The following CHRDL1 variants were observed in gnomAD, a reference collection of about 807,000 sequenced individuals.
CHRDL1 encodes the protein chordin like 1, also known as chordin-like protein 1.
CHRDL1 carries 19 observed loss-of-function variants against 40.9 expected under a neutral mutation model. That is an observed-to-expected ratio of 0.46 (90% CI 0.32 to 0.68). The LOEUF (loss-of-function observed/expected upper bound fraction) is 0.68, where lower values mean the gene tolerates loss of function less well. Among genes scored for constraint, CHRDL1 ranks in the 30% least tolerant of loss-of-function variants. The probability of loss-of-function intolerance (pLI) is 0.03; values close to 1 mark genes in which losing one functional copy is unlikely to be tolerated. For synonymous variants in CHRDL1, 136 were observed against 123.4 expected (o/e 1.10, Z -0.68); for missense variants, 329 against 352.1 (o/e 0.93, Z 0.53).
chrX:110,762,722 A>G lies in CHRDL1; in HGVS notation c.180T>C (p.Val60=). ...CTGAGCAGATGCAGTTCACGCAGTA[A>G]ACCAACCCATAAGGTTCCAGGTAAG... The part of the protein sequence containing the change: ...WHPYLEPYGL[V]YCVNCICSEN... Residue 60 remains valine, a synonymous_variant, in exon 3 of 12, where the codon GTT becomes GTC. Transcript: ENST00000372042. The G allele has an allele frequency of 8.4e-7, 1 of 1,184,872 alleles. No homozygotes were observed. Among genetic ancestry groups the G allele is most frequent in the Non-Finnish European group, 1.1e-6 (1 of 873,300 alleles).
In CHRDL1 at chrX:110,770,842, T is replaced by A. The variant is rs772465798; in HGVS notation, c.95-8035A>T. Among the ~76,000 whole-genome samples, 6 of 111,627 alleles carry A rather than the reference T, an allele frequency of 5.4e-5. No homozygotes were observed. The East Asian group carries it at 1.7e-3, about 31-fold the overall frequency. On this transcript the variant is annotated intron_variant, in intron 2 of 11. Coordinates refer to ENST00000372042, the MANE Select transcript of CHRDL1 (RefSeq NM_001143981.2). Reference sequence around the variant, plus strand: ...AAAGACACACATTACCAAAGCTCAATCAAAAAGAGATAATTAACCTGAGAC... The same window carrying A: ...AAAGACACACATTACCAAAGCTCAAACAAAAAGAGATAATTAACCTGAGAC...
chrX:110,762,731 A>G lies in CHRDL1; in HGVS notation c.171T>C (p.Tyr57=). 2 of 1,189,705 alleles carry G rather than the reference A, an allele frequency of 1.7e-6. No homozygotes were observed. The highest frequency in any genetic ancestry group is 1.1e-6 in the Non-Finnish European group (1 of 877,307). The change falls in exon 3 of 12, where the codon TAT becomes TAC. Residue 57 remains tyrosine, a synonymous_variant. Coordinates refer to ENST00000372042, the MANE Select transcript of CHRDL1 (RefSeq NM_001143981.2). ...GERWHPYLEP[Y]GLVYCVNCIC... ...TGCAGTTCACGCAGTAAACCAACCC[A>G]TAAGGTTCCAGGTAAGGATGCCATC... is the stretch of plus-strand genomic sequence containing the variant.
chrX:110,780,076 ATTG>A (rs755256000), intron 2 of CHRDL1, among the ~76,000 whole-genome samples: 2 of 111,606 alleles, frequency 1.8e-5, no homozygotes, highest in Non-Finnish European at 3.8e-5. Flanking sequence ...TGTGTTTGTC[ATTG>A]TTGTTGATCC....
At chrX:110,731,691 G>GA (rs1049036656) in intron 4 of CHRDL1, among the ~76,000 whole-genome samples, 1 of 110,542 alleles carries the variant, frequency 9.0e-6, no homozygotes, top group Non-Finnish European at 1.9e-5. Flanking sequence ...TCTGCTAAGT[G>GA]AAAAAAAAGG....
chrX:110,773,151 T>G (rs976247039), intron 2 of CHRDL1, among the ~76,000 whole-genome samples: 4 of 112,336 alleles, frequency 3.6e-5, no homozygotes, highest in Non-Finnish European at 7.5e-5. Context: ...TTTTTCTAGC[T>G]TCCCAGGGTG....
At chrX:110,761,971 C>A (rs747008970) in intron 3 of CHRDL1, among the ~76,000 whole-genome samples, 10 of 112,548 alleles carry the variant, frequency 8.9e-5, no homozygotes, top group Non-Finnish European at 1.9e-4. Context: ...TTGGCTGAGA[C>A]AACATAGAAT....
intron 2 of CHRDL1, among the ~76,000 whole-genome samples, chrX:110,790,630 A>G (rs1182467792): frequency 9.1e-6 from 1 of 110,025 alleles, no homozygotes; most frequent in East Asian, 2.9e-4. Context: ...TAAAGTGTGG[A>G]CTTTAAGTGT....
intron 1 of CHRDL1, among the ~76,000 whole-genome samples, chrX:110,794,937 C>T (rs2090158604): frequency 8.9e-6 from 1 of 112,421 alleles, no homozygotes; most frequent in Non-Finnish European, 1.9e-5. Flanking sequence ...ATCCTCTCCC[C>T]ACTCTACCAC....
At chrX:110,696,212 C>T (rs1050276146) in intron 7 of CHRDL1, among the ~76,000 whole-genome samples, 1 of 111,247 alleles carries the variant, frequency 9.0e-6, no homozygotes, top group Non-Finnish European at 1.9e-5. Context: ...GCTGCAAGTA[C>T]GAGAAGTTCT....
chrX:110,782,781 A>G (rs2089965616), intron 2 of CHRDL1, among the ~76,000 whole-genome samples: 1 of 112,519 alleles, frequency 8.9e-6, no homozygotes, highest in Admixed American at 9.4e-5. Flanking sequence ...TAAACCTAAC[A>G]GCACTTTCCT....
rs1207471802 is a variant in CHRDL1 at position 110,773,555 on chromosome X, C to T, written c.95-10748G>A. Among the ~76,000 whole-genome samples the T allele has an allele frequency of 5.5e-5, 6 of 109,053 alleles. No individual in the cohort carries two copies. In the East Asian group the frequency reaches 1.7e-3, roughly 31 times the overall value. 94.7% of individuals were successfully genotyped at this position (109,053 alleles called of 115,157 possible). ...CATCCTGGCTAACACGGTGAAATCC[C>T]GTCTCTACTAAAAACACAAAAAATT... On this transcript the variant is annotated intron_variant, in intron 2 of 11. Transcript: ENST00000372042.
intron 4 of CHRDL1, among the ~76,000 whole-genome samples, chrX:110,738,508 T>C (rs186268113): frequency 9.0e-6 from 1 of 110,587 alleles, no homozygotes; most frequent in Non-Finnish European, 1.9e-5. Flanking sequence ...TTTGGGAGGC[T>C]GAGGCGGGTG....
intron 6 of CHRDL1, among the ~76,000 whole-genome samples, chrX:110,705,839 T>C: frequency 9.1e-6 from 1 of 109,759 alleles, no homozygotes; most frequent in Non-Finnish European, 1.9e-5. Context: ...ATAAATTATA[T>C]ACATTAAATA....
At chrX:110,690,604 C>A (rs1426207504) in intron 8 of CHRDL1, among the ~76,000 whole-genome samples, 1 of 110,714 alleles carries the variant, frequency 9.0e-6, no homozygotes, top group Non-Finnish European at 1.9e-5. Flanking sequence ...ATGTCAAATG[C>A]TATGAGTCTG....
Position 110,785,659 on chromosome X carries a change from GACT to G in CHRDL1, c.94+6426_94+6428del, listed in dbSNP as rs770733483. ...TTGTATAACTGAGCTTAGAAAAAAAGACTACAAGTATATATATATATCAATTAA... is the reference window on the plus strand; with the variant it reads ...TTGTATAACTGAGCTTAGAAAAAAAGACAAGTATATATATATATCAATTAA... On this transcript the variant is annotated intron_variant, in intron 2 of 11. Coordinates refer to ENST00000372042, the MANE Select transcript of CHRDL1 (RefSeq NM_001143981.2). 1.7e-4 allele frequency among the ~76,000 whole-genome samples: 19 copies of G among 111,838 alleles called. No individual in the cohort carries two copies. In the East Asian group the frequency reaches 4.8e-3, roughly 28 times the overall value.
intron 4 of CHRDL1, among the ~76,000 whole-genome samples, chrX:110,732,479 G>A (rs1288149367): frequency 8.9e-6 from 1 of 112,162 alleles, no homozygotes; most frequent in East Asian, 2.8e-4. Context: ...CCGAGTGAGA[G>A]GAAACAGTCA....
chrX:110,749,256 A>C (rs2089313268), intron 4 of CHRDL1, among the ~76,000 whole-genome samples: 1 of 111,723 alleles, frequency 9.0e-6, no homozygotes, highest in East Asian at 2.8e-4. Context: ...AATTTATTGA[A>C]GAAAAGAAAA....
chrX:110,727,250 G>C (rs1351456593), intron 4 of CHRDL1, among the ~76,000 whole-genome samples: 1 of 111,617 alleles, frequency 9.0e-6, no homozygotes, highest in Non-Finnish European at 1.9e-5. Flanking sequence ...AGGCATGTAG[G>C]GAAATTATTT....
At chrX:110,792,744 A>G (rs1211396392) in intron 1 of CHRDL1, among the ~76,000 whole-genome samples, 3 of 112,363 alleles carry the variant, frequency 2.7e-5, no homozygotes, top group African/African-American at 9.7e-5. Context: ...TGGTTTGGCA[A>G]CTAATATTGC....
Sources: gnomAD v4.1 joint callset for allele counts (sites outside exome capture counted in the v4.1 genomes callset) on GRCh38, gnomAD v4.1.1 for gene constraint, MANE v1.5 for transcripts, NCBI Gene and HGNC (gene_info 2026-07-23, HGNC 2026-07-21) for gene names.